NOL7: variants seen among roughly 807,000 people sequenced by gnomAD.
NOL7 encodes U3 small nucleolar RNA-associated protein NOL7.
Under a neutral mutation model 38.4 loss-of-function variants are expected in NOL7, and 36 were observed. The ratio of observed to expected loss-of-function variants is 0.94; its 90% confidence interval spans 0.72 to 1.24. NOL7 has a LOEUF of 1.24. Among genes scored for constraint, NOL7 ranks in the 50% most tolerant of loss-of-function variants. The probability of loss-of-function intolerance (pLI) is 0.00; values close to 1 mark genes in which losing one functional copy is unlikely to be tolerated. For synonymous variants in NOL7, 142 were observed against 126.5 expected (o/e 1.12, Z -0.82); for missense variants, 350 against 315.1 (o/e 1.11, Z -0.84).
At position 13,620,425 on chromosome 6, in the gene NOL7, C is replaced by T. The variant is rs748208703; in HGVS notation, c.640C>T (p.Leu214Phe). The T allele has an allele frequency of 6.2e-7, 1 of 1,614,094 alleles. No homozygotes were observed. Among genetic ancestry groups the T allele is most frequent in the Non-Finnish European group, 8.5e-7 (1 of 1,179,986 alleles). ...TTTTCTAGTAAATAAGTTCCTGTCT[C>T]TTGCCAACAAGAGGTTACCAGTGAA... is the stretch of plus-strand genomic sequence containing the variant. ...NRTTVNKFLS[L>F]ANKRLPVKRA... The change falls in exon 7 of 8, where the codon CTT (leucine) becomes TTT (phenylalanine). Residue 214 changes from leucine (L) to phenylalanine (F), a missense_variant. Leu to Phe is a conservative substitution (Grantham distance 22, BLOSUM62 0). Transcript: ENST00000451315.
Position 13,616,535 on chromosome 6 carries a change from C to G in NOL7, c.386+14C>G, listed in dbSNP as rs762529144. On this transcript the variant is annotated intron_variant, in intron 3 of 7. Coordinates refer to ENST00000451315, the MANE Select transcript of NOL7 (RefSeq NM_016167.5). ...TTCACAGACTAAGTAAGTAATGGATCTTTTTATATTACTTGCTTATATACA... is the reference window on the plus strand; with the variant it reads ...TTCACAGACTAAGTAAGTAATGGATGTTTTTATATTACTTGCTTATATACA... 1 of 1,563,800 alleles carries G rather than the reference C, an allele frequency of 6.4e-7. No individual in the cohort carries two copies. Among genetic ancestry groups the G allele is most frequent in the South Asian group, 1.1e-5 (1 of 87,820 alleles).
At chr6:13,629,673 T>TGCC (rs1176597013) in intron 8 of NOL7, among the ~76,000 whole-genome samples, 1 of 152,058 alleles carries the variant, frequency 6.6e-6, no homozygotes, top group Non-Finnish European at 1.5e-5. Flanking sequence ...CCTACAACAA[T>TGCC]GCCTCTCCAC....
At chr6:13,625,551 T>TG, downstream of NOL7, 1 of 693,406 alleles carries the variant, frequency 1.4e-6, no homozygotes, top group South Asian at 2.3e-5. Flanking sequence ...ATAGAAAACA[T>TG]TTTCCTGATG....
chr6:13,632,406 G>A, exon 9 of NOL7: 4 of 1,612,716 alleles, frequency 2.5e-6, no homozygotes, highest in Non-Finnish European at 3.4e-6. Flanking sequence ...TCTTGCCACA[G>A]TCTCTCCTTA....
chr6:13,627,032 T>C (rs1455424817), intron 8 of NOL7, among the ~76,000 whole-genome samples: 2 of 152,334 alleles, frequency 1.3e-5, no homozygotes, highest in East Asian at 3.9e-4. Context: ...CTCCATTGTT[T>C]TATATTGCTG....
At position 13,621,315 on chromosome 6, in the gene NOL7, CCTTT is replaced by C. The variant is rs1246541121; in HGVS notation, c.*491_*494del. 10 of 152,580 alleles carry C rather than the reference CCTTT, an allele frequency of 6.6e-5. No homozygotes were observed. The highest frequency in any genetic ancestry group is 2.4e-4 in the African/African-American group (10 of 41,448). 9.5% of individuals were successfully genotyped at this position (152,580 alleles called of 1,614,324 possible). On this transcript the variant is annotated 3_prime_UTR_variant, in exon 8 of 8. Coordinates refer to ENST00000451315, the MANE Select transcript of NOL7 (RefSeq NM_016167.5). ...AAATAATGAAGTTAATTTCCTGTTG[CCTTT>C]CTGTGTCAGCCACAATATCAGGTCT...
chr6:13,620,157 A>AT, intron 5 of NOL7, 51 bp from the exon 6 acceptor site: 5 of 1,567,080 alleles, frequency 3.2e-6, no homozygotes, highest in Non-Finnish European at 4.3e-6. Flanking sequence ...AGAAAAAAAA[A>AT]AGAAAGTAAG....
intron 8 of NOL7, among the ~76,000 whole-genome samples, chr6:13,627,264 A>AC (rs1764634187): frequency 6.6e-6 from 1 of 152,038 alleles, no homozygotes; most frequent in African/African-American, 2.4e-5. Context: ...CCCTAACCCA[A>AC]CCCACACTTC....
At chr6:13,623,447 A>G (rs1230372793), downstream of NOL7, among the ~76,000 whole-genome samples, 2 of 152,208 alleles carry the variant, frequency 1.3e-5, no homozygotes, top group African/African-American at 4.8e-5. Flanking sequence ...GCACAATATC[A>G]GAAAGAAGCA....
chr6:13,622,630 T>G, downstream of NOL7: 1 of 953,942 alleles, frequency 1.0e-6, no homozygotes, highest in Non-Finnish European at 1.4e-6. Flanking sequence ...TGAAGGTTTC[T>G]AAGCAAAAGA....
chr6:13,622,555 A>G, downstream of NOL7: 2 of 1,467,570 alleles, frequency 1.4e-6, no homozygotes, highest in East Asian at 2.3e-5. Flanking sequence ...AAACATTTCA[A>G]TCAGGAGAAT....
downstream of NOL7, chr6:13,622,439 T>C: frequency 6.2e-7 from 1 of 1,604,688 alleles, no homozygotes; most frequent in Non-Finnish European, 8.5e-7. Context: ...AGACATTGTG[T>C]GGCCTGTCCC....
At chr6:13,624,714 C>T (rs1194551991), downstream of NOL7, among the ~76,000 whole-genome samples, 1 of 152,154 alleles carries the variant, frequency 6.6e-6, no homozygotes, top group Non-Finnish European at 1.5e-5. Context: ...AAACGAACAT[C>T]GAATTAGCGT....
At chr6:13,626,868 G>C (rs1233036033) in intron 8 of NOL7, among the ~76,000 whole-genome samples, 1 of 152,166 alleles carries the variant, frequency 6.6e-6, no homozygotes, top group Non-Finnish European at 1.5e-5. Flanking sequence ...TGGGGGAAAG[G>C]CTTCTGATTA....
chr6:13,626,577 CTTAT>C (rs1764612161), downstream of NOL7, among the ~76,000 whole-genome samples: 1 of 152,126 alleles, frequency 6.6e-6, no homozygotes, highest in Non-Finnish European at 1.5e-5. Flanking sequence ...TAAATGACGT[CTTAT>C]TATTATGCCA....
downstream of NOL7, chr6:13,622,338 A>T: frequency 1.3e-6 from 2 of 1,523,382 alleles, no homozygotes; most frequent in Non-Finnish European, 1.8e-6. Context: ...CCACAATATA[A>T]GTGTGAGCTC....
chr6:13,632,363 T>C lies in NOL7; in HGVS notation n.574-30T>C, dbSNP rs199996721. Reference sequence around the variant, plus strand: ...ATTCATAATTTTTCAAGAAAAAATATATTCACCTTCAACATTTTTTTGTTT... The same window carrying C: ...ATTCATAATTTTTCAAGAAAAAATACATTCACCTTCAACATTTTTTTGTTT... On this transcript the variant is annotated intron_variant and non_coding_transcript_variant, in intron 8 of 8. Coordinates refer to the NOL7 transcript ENST00000474485. 12 of 1,606,708 alleles carry C rather than the reference T, an allele frequency of 7.5e-6. No individual in the cohort carries two copies. The East Asian group carries it at 1.8e-4, about 24-fold the overall frequency.
chr6:13,624,738 C>T (rs1178696376), downstream of NOL7, among the ~76,000 whole-genome samples: 2 of 152,110 alleles, frequency 1.3e-5, no homozygotes, highest in Admixed American at 1.3e-4. Context: ...GCACTTGATG[C>T]TCACCCCTGG....
In NOL7 at chr6:13,616,480, A is replaced by G. The variant is rs3757262; in HGVS notation, c.345A>G (p.Pro115=). ...FIEQKKRKLL[P]DTILEKLTTA... The stretch of plus-strand genomic sequence containing the variant: ...TCCAAAAGAAAAGAAAACTCCTTCC[A>G]GACACTATTTTGGAGAAGTTAACCA... Residue 115 remains proline (P), a synonymous_variant, in exon 3 of 8, where the codon CCA becomes CCG. Transcript: ENST00000451315. 13 of 1,607,842 alleles carry G rather than the reference A, an allele frequency of 8.1e-6. No homozygotes were observed. The South Asian group carries it at 1.3e-4, about 17-fold the overall frequency.
Sources: allele counts gnomAD v4.1 joint callset (sites outside exome capture counted in the v4.1 genomes callset), GRCh38; gene constraint gnomAD v4.1.1; transcripts MANE v1.5; gene names NCBI Gene and HGNC (gene_info 2026-07-23, HGNC 2026-07-21).